Variants in ALG8 observed in about 807,000 individuals in gnomAD.
The protein encoded by ALG8 is ALG8 alpha-1,3-glucosyltransferase.
In ALG8, 48 loss-of-function variants were observed where a neutral mutation model predicts 70.2. That is an observed-to-expected ratio of 0.68 (90% CI 0.54 to 0.87). ALG8 has a LOEUF of 0.87. Among genes scored for constraint, ALG8 ranks in the 40% least tolerant of loss-of-function variants. The pLI, the probability that ALG8 is intolerant of heterozygous loss-of-function variation, is 0.00. For missense variants in ALG8, 572 were observed against 608.7 expected, an observed-to-expected ratio of 0.94 and a Z score of 0.64; for synonymous variants, 234 against 229.0, an observed-to-expected ratio of 1.02 and a Z score of -0.20.
intron 9 of ALG8, 152 bp downstream of exon 9, chr11:78,109,290 A>C: frequency 9.6e-7 from 1 of 1,045,792 alleles, no homozygotes; most frequent in Non-Finnish European, 1.4e-6. Flanking sequence ...AGTTACTCTA[A>C]GAATTGCTAG....
chr11:78,109,524 C>T lies in ALG8; in HGVS notation c.956G>A (p.Gly319Asp). ...NNIPKASMTS[G>D]LVQQFQHTVL... ...TGTGTGTTGGAACTGCTGAACCAAA[C>T]CACTTGTCATTGAGGCCTTGGGAAT... Residue 319 changes from glycine (G) to aspartate (D), a missense_variant, in exon 9 of 13, where the codon GGT (glycine) becomes GAT (aspartate). Transcript: ENST00000299626. 2.5e-6 allele frequency: 4 copies of T among 1,614,082 alleles called. No homozygotes were observed. The highest frequency in any genetic ancestry group is 2.5e-6 in the Non-Finnish European group (3 of 1,179,972).
At chr11:78,139,238 T>G in intron 1 of ALG8, 1 of 525,092 alleles carries the variant, frequency 1.9e-6, no homozygotes, top group Non-Finnish European at 3.4e-6. Context: ...CTTAACTGCC[T>G]ATTAAGGATG....
chr11:78,112,823 T>C (rs1301327315), intron 7 of ALG8, 53 bp from the exon 8 acceptor site: 2 of 1,597,954 alleles, frequency 1.3e-6, no homozygotes, highest in Non-Finnish European at 1.7e-6. Flanking sequence ...TTTTTCAAAT[T>C]CAAAAAGAGA....
chr11:78,111,594 A>G (rs917914183), intron 8 of ALG8, among the ~76,000 whole-genome samples: 4 of 152,192 alleles, frequency 2.6e-5, no homozygotes, highest in African/African-American at 7.2e-5. Context: ...TTTTACTTTT[A>G]TAAGGTTTTA....
chr11:78,122,335 G>T (rs1281348736), intron 3 of ALG8, among the ~76,000 whole-genome samples: 1 of 148,838 alleles, frequency 6.7e-6, no homozygotes, highest in Non-Finnish European at 1.5e-5. Flanking sequence ...CTGACACAGA[G>T]ATTTCAATTT....
chr11:78,114,027 G>A (rs1281100123), intron 6 of ALG8, 38 bp from the exon 7 acceptor site: 3 of 1,534,002 alleles, frequency 2.0e-6, no homozygotes, highest in Non-Finnish European at 8.9e-7. Flanking sequence ...CAGGAAGATG[G>A]AAAGGAACAT....
In ALG8 at chr11:78,124,365, G is replaced by A. The variant is rs1590830458; in HGVS notation, c.175-151C>T. 3.5e-5 allele frequency: 26 copies of A among 739,670 alleles called. No individual in the cohort carries two copies. In the East Asian group the frequency reaches 5.4e-4, roughly 15 times the overall value. 45.8% of individuals were successfully genotyped at this position (739,670 alleles called of 1,614,324 possible). ...CACCTGTAACCCCAGCACTTTGGGA[G>A]GACAAGGCAGGCAGATCGCTTGAGC... On this transcript the variant is annotated intron_variant, in intron 2 of 12. Transcript: ENST00000299626.
At chr11:78,127,708 T>TCTTC (rs1861139083) in intron 1 of ALG8, among the ~76,000 whole-genome samples, 1 of 144,164 alleles carries the variant, frequency 6.9e-6, no homozygotes, top group African/African-American at 2.8e-5. Context: ...TCTCTTTTTC[T>TCTTC]TTTCTTTTTT....
At chr11:78,124,584 T>A (rs1860981089) in intron 2 of ALG8, among the ~76,000 whole-genome samples, 1 of 152,238 alleles carries the variant, frequency 6.6e-6, no homozygotes, top group Non-Finnish European at 1.5e-5. Context: ...GTCTTCAATT[T>A]CCTTAAATAG....
At chr11:78,116,033 A>C (rs1314970778) in intron 5 of ALG8, among the ~76,000 whole-genome samples, 2 of 152,206 alleles carry the variant, frequency 1.3e-5, no homozygotes, top group Non-Finnish European at 2.9e-5. Context: ...TACAAACACT[A>C]CTTAGGAAAA....
intron 8 of ALG8, among the ~76,000 whole-genome samples, chr11:78,110,773 T>A (rs1366038503): frequency 1.3e-5 from 2 of 152,176 alleles, no homozygotes; most frequent in African/African-American, 4.8e-5. Flanking sequence ...GGGAAAGATG[T>A]ACCAAAATAT....
chr11:78,132,729 T>G (rs1044723333), intron 1 of ALG8, among the ~76,000 whole-genome samples: 1 of 152,196 alleles, frequency 6.6e-6, no homozygotes, highest in African/African-American at 2.4e-5. Context: ...CATTCACACT[T>G]TAGGCCTCCA....
Position 78,101,213 on chromosome 11 carries a change from GAA to G in ALG8, c.1350-20_1350-19del, listed in dbSNP as rs1859782822. On this transcript the variant is annotated intron_variant, in intron 12 of 12. Transcript: ENST00000299626. Reference sequence around the variant, plus strand: ...TTTCTTTTCTGAAGGAAAAAAGAGAGAAAAGTCTGATTTTAGATGAGTCATCC... The same window carrying G: ...TTTCTTTTCTGAAGGAAAAAAGAGAGAAGTCTGATTTTAGATGAGTCATCC... The G allele has an allele frequency of 2.5e-6, 4 of 1,604,072 alleles. No homozygotes were observed. The highest frequency in any genetic ancestry group is 2.6e-6 in the Non-Finnish European group (3 of 1,172,210).
intron 12 of ALG8, 114 bp from the exon 13 acceptor site, chr11:78,101,309 A>G: frequency 1.2e-6 from 1 of 866,104 alleles, no homozygotes; most frequent in Non-Finnish European, 1.9e-6. Flanking sequence ...TATTATAGCC[A>G]AGGCCAGAGT....
chr11:78,131,111 G>T (rs889114225), intron 1 of ALG8, among the ~76,000 whole-genome samples: 1 of 139,816 alleles, frequency 7.2e-6, no homozygotes, highest in Admixed American at 6.8e-5. Context: ...CTCTTTTTTG[G>T]GTGCTTTATT....
At chr11:78,114,565 T>C (rs1448924826) in intron 5 of ALG8, 173 bp from the exon 6 acceptor site, 1 of 771,588 alleles carries the variant, frequency 1.3e-6, no homozygotes, top group Non-Finnish European at 2.2e-6. Context: ...CATGGTTATG[T>C]AAGGTGGTAA....
At chr11:78,112,061 C>A (rs529332085) in intron 8 of ALG8, among the ~76,000 whole-genome samples, 100 of 152,230 alleles carry the variant, frequency 6.6e-4, no homozygotes, top group Admixed American at 3.3e-3. Context: ...CATTTGAGAC[C>A]AGAAGTTTGA....
At chr11:78,134,265 G>A (rs908545212) in intron 1 of ALG8, among the ~76,000 whole-genome samples, 2 of 151,854 alleles carry the variant, frequency 1.3e-5, no homozygotes, top group East Asian at 3.9e-4. Context: ...AGCCTCCTAA[G>A]TGGCTGGGAT....
rs184636135 is a variant in ALG8, at chr11:78,106,399, A to G, written c.1178+408T>C. Among the ~76,000 whole-genome samples the G allele has an allele frequency of 3.8e-3, 577 of 152,188 alleles. 8 individuals are homozygous for G. Among genetic ancestry groups the G allele is most frequent in the African/African-American group, 0.013 (537 of 41,528 alleles). On this transcript the variant is annotated intron_variant, in intron 10 of 12. Transcript: ENST00000299626. ...TTTTTAGTAGAGATGGGGTTTCACCATGTTAGCCAGGATAGTCTCGATCTC... is the reference window on the plus strand; with the variant it reads ...TTTTTAGTAGAGATGGGGTTTCACCGTGTTAGCCAGGATAGTCTCGATCTC...
Sources: allele counts gnomAD v4.1 joint callset (sites outside exome capture counted in the v4.1 genomes callset), GRCh38; gene constraint gnomAD v4.1.1; transcripts MANE v1.5; gene names NCBI Gene and HGNC (gene_info 2026-07-23, HGNC 2026-07-21).